PPARGC1A: variants seen among roughly 807,000 people sequenced by gnomAD.
PPARGC1A encodes peroxisome proliferator-activated receptor gamma coactivator 1-alpha.
In PPARGC1A, 25 loss-of-function variants were observed where a neutral mutation model predicts 88.7. The ratio of observed to expected loss-of-function variants is 0.28; its 90% CI spans 0.21 to 0.39. PPARGC1A has a LOEUF of 0.39. PPARGC1A is among the 10% of genes least tolerant of loss of function. The probability of loss-of-function intolerance (pLI) is 1.00; values close to 1 mark genes in which losing one functional copy is unlikely to be tolerated. For synonymous variants in PPARGC1A, 363 were observed against 355.6 expected (o/e 1.02, Z -0.24); for missense variants, 880 against 968.7 (o/e 0.91, Z 1.22).
At chr4:24,004,472 C>T in the PPARGC1A span, among the ~76,000 whole-genome samples, 1 of 152,126 alleles carries the variant, frequency 6.6e-6, no homozygotes. Context: ...AAGTCTTGTA[C>T]CACAGATAAA....
At chr4:24,471,386 C>T in the PPARGC1A span, among the ~76,000 whole-genome samples, 5 of 152,116 alleles carry the variant, frequency 3.3e-5, no homozygotes, top group African/African-American at 7.2e-5. The surrounding 1 kb of genome is among the most constrained non-coding windows in gnomAD (Gnocchi z 5.4). Context: ...ACATGCCTCC[C>T]CTCCCTCGAC....
the PPARGC1A span, among the ~76,000 whole-genome samples, chr4:24,471,305 C>A: frequency 6.6e-6 from 1 of 151,812 alleles, no homozygotes; most frequent in Non-Finnish European, 1.5e-5. The surrounding 1 kb of genome is among the most constrained non-coding windows in gnomAD (Gnocchi z 5.4). Flanking sequence ...CCCAGACACG[C>A]GAGCGCGCGC....
At chr4:24,446,022 C>T in the PPARGC1A span, among the ~76,000 whole-genome samples, 4 of 152,100 alleles carry the variant, frequency 2.6e-5, no homozygotes, top group East Asian at 7.7e-4. Flanking sequence ...GCGGAGATCA[C>T]GTCATTGCAC....
chr4:24,112,390 CT>C, the PPARGC1A span, among the ~76,000 whole-genome samples: 4 of 152,060 alleles, frequency 2.6e-5, no homozygotes, highest in South Asian at 8.3e-4. Context: ...TTTTATATCT[CT>C]TTATTTTTAA....
the PPARGC1A span, among the ~76,000 whole-genome samples, chr4:24,428,369 A>G: frequency 5.3e-5 from 8 of 151,722 alleles, no homozygotes; most frequent in East Asian, 1.4e-3. Flanking sequence ...CCCCCTGCCT[A>G]CTCCCTCTCT....
the PPARGC1A span, among the ~76,000 whole-genome samples, chr4:24,168,819 GAATA>G: frequency 6.6e-6 from 1 of 152,144 alleles, no homozygotes; most frequent in African/African-American, 2.4e-5. Context: ...ACACACGATT[GAATA>G]AATAAGTGAA....
the PPARGC1A span, among the ~76,000 whole-genome samples, chr4:24,384,479 G>A: frequency 6.6e-6 from 1 of 150,628 alleles, no homozygotes; most frequent in East Asian, 2.0e-4. Context: ...GCTGTATTCA[G>A]GAGACCCATC....
chr4:23,796,835 TG>T (rs1158254313), intron 12 of PPARGC1A, among the ~76,000 whole-genome samples: 1 of 152,106 alleles, frequency 6.6e-6, no homozygotes, highest in African/African-American at 2.4e-5. Flanking sequence ...AAAACCATTC[TG>T]GAAAACTAAC....
the PPARGC1A span, among the ~76,000 whole-genome samples, chr4:24,410,863 G>A: frequency 6.6e-5 from 10 of 152,152 alleles, no homozygotes; most frequent in African/African-American, 2.2e-4. Context: ...CAGACTGAAG[G>A]CTGCACTGTC....
At chr4:23,849,935 A>G (rs1200681439) in intron 2 of PPARGC1A, among the ~76,000 whole-genome samples, 1 of 151,968 alleles carries the variant, frequency 6.6e-6, no homozygotes, top group African/African-American at 2.4e-5. Flanking sequence ...ATTAGTCTGT[A>G]ATGTCGTATA....
chr4:24,172,824 C>T, the PPARGC1A span, among the ~76,000 whole-genome samples: 6 of 152,178 alleles, frequency 3.9e-5, no homozygotes, highest in African/African-American at 1.2e-4. Context: ...CCTGAATACA[C>T]CGCCGTGTTT....
intron 7 of PPARGC1A, chr4:23,820,568 CA>C: frequency 2.4e-6 from 1 of 408,652 alleles, no homozygotes; most frequent in Non-Finnish European, 4.9e-6. Context: ...TGCCTTCTGC[CA>C]AAAGAGCATT....
At chr4:23,954,558 A>T in the PPARGC1A span, among the ~76,000 whole-genome samples, 3 of 152,038 alleles carry the variant, frequency 2.0e-5, no homozygotes, top group African/African-American at 7.2e-5. Flanking sequence ...GTAATCATAT[A>T]ACATAATTTT....
At chr4:24,093,774 G>A in the PPARGC1A span, among the ~76,000 whole-genome samples, 1 of 152,212 alleles carries the variant, frequency 6.6e-6, no homozygotes, top group African/African-American at 2.4e-5. Context: ...AGTCTTTGAA[G>A]TCAGACTTAG....
the PPARGC1A span, among the ~76,000 whole-genome samples, chr4:24,200,565 G>A: frequency 1.4e-5 from 2 of 146,736 alleles, no homozygotes; most frequent in African/African-American, 5.0e-5. Flanking sequence ...CTATAGAGTA[G>A]CAGTTACCTC....
intron 1 of PPARGC1A, among the ~76,000 whole-genome samples, chr4:23,895,938 G>A (rs1034572438): frequency 6.3e-5 from 5 of 79,954 alleles, no homozygotes; most frequent in Admixed American, 2.9e-4. Context: ...TTATAGAGAT[G>A]TGTGTGTGTG....
intron 2 of PPARGC1A, among the ~76,000 whole-genome samples, chr4:23,882,516 G>A (rs1225373221): frequency 6.6e-6 from 1 of 152,042 alleles, no homozygotes; most frequent in Non-Finnish European, 1.5e-5. Flanking sequence ...CTCAATAAAT[G>A]CTCGTAGCAT....
chr4:24,232,934 A>T, the PPARGC1A span, among the ~76,000 whole-genome samples: 1 of 152,202 alleles, frequency 6.6e-6, no homozygotes, highest in East Asian at 1.9e-4. Context: ...CGTGAAGGAA[A>T]GGGGTCAAAG....
the PPARGC1A span, among the ~76,000 whole-genome samples, chr4:24,191,563 G>A: frequency 1.3e-5 from 2 of 152,104 alleles, no homozygotes; most frequent in Non-Finnish European, 2.9e-5. Flanking sequence ...ACCAAAAGCC[G>A]ATCCTACATC....
Sources: allele counts gnomAD v4.1 joint callset (sites outside exome capture counted in the v4.1 genomes callset), GRCh38; gene constraint gnomAD v4.1.1; non-coding constraint Gnocchi (gnomAD v3.1); transcripts MANE v1.5; gene names NCBI Gene and HGNC (gene_info 2026-07-23, HGNC 2026-07-21).